Variants in CNTNAP4 observed in about 807,000 individuals in gnomAD.
CNTNAP4 encodes contactin associated protein family member 4, also known as contactin-associated protein-like 4.
A neutral mutation model predicts 148.4 loss-of-function variants in CNTNAP4; 98 were observed. The ratio of observed to expected loss-of-function variants is 0.66; its 90% CI spans 0.56 to 0.78. CNTNAP4 has a LOEUF of 0.78. CNTNAP4 is among the 30% of genes least tolerant of loss of function. The pLI is 0.00. For synonymous variants in CNTNAP4, 730 were observed against 565.1 expected (o/e 1.29, Z -4.14); for missense variants, 1,935 against 1,565.6 (o/e 1.24, Z -3.98).
intron 16 of CNTNAP4, 64 bp from the exon 17 acceptor site, chr16:76,521,975 A>G (rs943024269): frequency 3.4e-5 from 48 of 1,417,378 alleles, no homozygotes; most frequent in Middle Eastern, 1.7e-4. Flanking sequence ...TCCTAAGTAT[A>G]TTGGAGACTC....
chr16:76,471,011 C>T (rs1028678327), intron 10 of CNTNAP4, among the ~76,000 whole-genome samples: 2 of 151,152 alleles, frequency 1.3e-5, no homozygotes, highest in Non-Finnish European at 1.5e-5. Context: ...CACACACAAC[C>T]ATCCTTTTAC....
chr16:76,378,333 G>A (rs966562909), intron 3 of CNTNAP4, among the ~76,000 whole-genome samples: 11 of 152,132 alleles, frequency 7.2e-5, no homozygotes, highest in African/African-American at 2.4e-4. Context: ...AAAAAAGATC[G>A]TTGGAAGAAA....
intron 4 of CNTNAP4, among the ~76,000 whole-genome samples, chr16:76,441,473 T>C (rs936813925): frequency 2.4e-4 from 36 of 152,202 alleles, no homozygotes; most frequent in African/African-American, 8.4e-4. Context: ...GAGTAGGGCG[T>C]ACAATCTTTT....
At chr16:76,391,562 A>T (rs970828949) in intron 3 of CNTNAP4, among the ~76,000 whole-genome samples, 5 of 152,204 alleles carry the variant, frequency 3.3e-5, no homozygotes, top group African/African-American at 1.2e-4. Flanking sequence ...TTCAACATCT[A>T]ATCAACTCAC....
chr16:76,343,894 T>TAC (rs1286902375), intron 2 of CNTNAP4, among the ~76,000 whole-genome samples: 3 of 152,242 alleles, frequency 2.0e-5, no homozygotes, highest in Non-Finnish European at 4.4e-5. Context: ...ATCTTTTCTC[T>TAC]ACATTTTTCA....
chr16:76,424,063 AATG>A (rs1040538562), intron 3 of CNTNAP4, among the ~76,000 whole-genome samples: 4 of 152,178 alleles, frequency 2.6e-5, no homozygotes, highest in Non-Finnish European at 2.9e-5. Context: ...TGAATATGAC[AATG>A]ATATTTTTAT....
chr16:76,280,153 T>C (rs1050166508), intron 1 of CNTNAP4, among the ~76,000 whole-genome samples: 6 of 152,178 alleles, frequency 3.9e-5, no homozygotes, highest in African/African-American at 1.4e-4. Flanking sequence ...CTAGAAAGAC[T>C]TTTCCCCTTT....
chr16:76,555,629 A>C (rs930282033), intron 23 of CNTNAP4, among the ~76,000 whole-genome samples: 2 of 152,264 alleles, frequency 1.3e-5, no homozygotes, highest in African/African-American at 2.4e-5. Context: ...CTAGAACAAA[A>C]TATTTAATCT....
chr16:76,313,259 A>G (rs1961338544), intron 1 of CNTNAP4, among the ~76,000 whole-genome samples: 1 of 152,318 alleles, frequency 6.6e-6, no homozygotes, highest in East Asian at 1.9e-4. Context: ...ATTACATCCA[A>G]AACATCGATC....
chr16:76,297,569 C>G (rs926781826), intron 1 of CNTNAP4, among the ~76,000 whole-genome samples: 1 of 152,118 alleles, frequency 6.6e-6, no homozygotes, highest in Non-Finnish European at 1.5e-5. Flanking sequence ...TGATTATAAT[C>G]TATTGCTGAA....
At chr16:76,277,938 G>A (rs772503958) in intron 1 of CNTNAP4, among the ~76,000 whole-genome samples, 191 bp downstream of exon 1, 42 of 152,178 alleles carry the variant, frequency 2.8e-4, no homozygotes, top group Non-Finnish European at 2.6e-4. Context: ...GTCAAAATAG[G>A]CAAAGTGTCA....
chr16:76,470,374 C>G (rs1437589137), intron 10 of CNTNAP4, among the ~76,000 whole-genome samples: 1 of 151,046 alleles, frequency 6.6e-6, no homozygotes, highest in African/African-American at 2.5e-5. Flanking sequence ...GACACGGTGA[C>G]TCACACCTGT....
intron 3 of CNTNAP4, among the ~76,000 whole-genome samples, chr16:76,420,308 T>C (rs974716317): frequency 7.3e-4 from 53 of 72,304 alleles, no homozygotes; most frequent in African/African-American, 1.7e-3. Flanking sequence ...AGAACAGTTT[T>C]TGCTGCTATT....
chr16:76,301,116 T>C (rs1422099967), intron 1 of CNTNAP4, among the ~76,000 whole-genome samples: 1 of 151,916 alleles, frequency 6.6e-6, no homozygotes. Context: ...TTCCAGGAAA[T>C]TGTGGGTAAG....
At chr16:76,319,129 C>T (rs1005638643) in intron 2 of CNTNAP4, among the ~76,000 whole-genome samples, 2 of 152,144 alleles carry the variant, frequency 1.3e-5, no homozygotes, top group African/African-American at 2.4e-5. Flanking sequence ...GTGGCTCACA[C>T]CTGTAATCCT....
intron 15 of CNTNAP4, among the ~76,000 whole-genome samples, chr16:76,520,893 C>A (rs1479917188): frequency 6.6e-6 from 1 of 152,046 alleles, no homozygotes; most frequent in South Asian, 2.1e-4. Flanking sequence ...AACATTTAGA[C>A]CATTTCTGTA....
In CNTNAP4 at chr16:76,296,775, A is replaced by C. The variant is rs1053882805; in HGVS notation, c.85+19028A>C. ...CTGTATCTAAGGATTCAGCAGCCAA[A>C]GATGAATGCTATTGAATTATTGACC... On this transcript the variant is annotated intron_variant, in intron 1 of 23. Transcript: ENST00000611870. 2.6e-5 allele frequency among the ~76,000 whole-genome samples: 4 copies of C among 152,202 alleles called. No homozygotes were observed. The East Asian group carries it at 7.7e-4, about 29-fold the overall frequency.
chr16:76,479,556 T>A lies in CNTNAP4; in HGVS notation c.1882+18T>A. The A allele has an allele frequency of 6.3e-7, 1 of 1,597,578 alleles. No homozygotes were observed. The highest frequency in any genetic ancestry group is 1.2e-5 in the South Asian group (1 of 85,718). ...TATGACCGGTGAGTTAATCAGCTTT[T>A]ATTTTACAGTTAAATTTGCATGCAT... is the stretch of plus-strand genomic sequence containing the variant. On this transcript the variant is annotated intron_variant, in intron 12 of 23. Transcript: ENST00000611870.
At chr16:76,354,243 A>G (rs2012263594) in intron 2 of CNTNAP4, among the ~76,000 whole-genome samples, 1 of 152,226 alleles carries the variant, frequency 6.6e-6, no homozygotes, top group Non-Finnish European at 1.5e-5. Context: ...CAGCAATGTT[A>G]AATAATTCTT....
Sources: gnomAD v4.1 joint callset for allele counts (sites outside exome capture counted in the v4.1 genomes callset) on GRCh38, gnomAD v4.1.1 for gene constraint, MANE v1.5 for transcripts, NCBI Gene and HGNC (gene_info 2026-07-23, HGNC 2026-07-21) for gene names.